Variants in EPHA3 observed in about 807,000 individuals in gnomAD.
EPHA3 encodes EPH receptor A3, also known as ephrin type-A receptor 3.
EPHA3 carries 42 observed loss-of-function variants against 107.1 expected under a neutral mutation model. That is an observed-to-expected ratio of 0.39 (90% CI 0.31 to 0.51). The LOEUF (loss-of-function observed/expected upper bound fraction) is 0.51. Ranked by LOEUF, EPHA3 falls within the 20% of genes least tolerant of loss-of-function variation. The pLI is 0.78. For synonymous variants in EPHA3, 461 were observed against 424.8 expected (o/e 1.09, Z -1.05); for missense variants, 1,183 against 1,211.2 (o/e 0.98, Z 0.35).
intron 5 of EPHA3, among the ~76,000 whole-genome samples, chr3:89,353,644 C>T (rs1366774584): frequency 6.6e-6 from 1 of 151,238 alleles, no homozygotes; most frequent in Non-Finnish European, 1.5e-5. Flanking sequence ...TGTGGCCAAG[C>T]CTTCCACATC....
intron 3 of EPHA3, among the ~76,000 whole-genome samples, chr3:89,333,762 C>T (rs1379873593): frequency 1.3e-5 from 2 of 151,956 alleles, no homozygotes; most frequent in Non-Finnish European, 2.9e-5. Flanking sequence ...GTCCCAGCTA[C>T]CTGGGAGGCT....
intron 5 of EPHA3, among the ~76,000 whole-genome samples, chr3:89,352,023 T>C (rs563139488): frequency 6.6e-6 from 1 of 151,140 alleles, no homozygotes; most frequent in South Asian, 2.1e-4. Flanking sequence ...GAGTTGCCAT[T>C]CCATTCAAAA....
intron 2 of EPHA3, among the ~76,000 whole-genome samples, chr3:89,177,869 A>G (rs1386174960): frequency 6.6e-6 from 1 of 151,974 alleles, no homozygotes; most frequent in African/African-American, 2.4e-5. Context: ...ATTCTCTCCT[A>G]TTTAAATACT....
chr3:89,390,600 CAAAAAA>C (rs34753229), intron 5 of EPHA3, among the ~76,000 whole-genome samples: 2,290 of 114,168 alleles, frequency 0.02, 70 homozygotes, highest in African/African-American at 0.074. Context: ...ACTCCGTTTC[CAAAAAA>C]AAAAAAAAAA....
chr3:89,189,460 G>C (rs954268088), intron 2 of EPHA3, among the ~76,000 whole-genome samples: 5 of 152,276 alleles, frequency 3.3e-5, no homozygotes, highest in African/African-American at 1.2e-4. Context: ...GGGCACGGTG[G>C]CGCGCACCTG....
At chr3:89,456,640 G>A (rs1710103005) in intron 15 of EPHA3, among the ~76,000 whole-genome samples, 1 of 152,098 alleles carries the variant, frequency 6.6e-6, no homozygotes, top group African/African-American at 2.4e-5. Context: ...CACTGGAAGT[G>A]GGGAAGGTGG....
intron 2 of EPHA3, among the ~76,000 whole-genome samples, chr3:89,205,068 C>T (rs1706067124): frequency 6.6e-6 from 1 of 152,094 alleles, no homozygotes; most frequent in East Asian, 1.9e-4. Context: ...TTCTTAGAAA[C>T]TGGTTTTAAG....
rs374673563 is a variant in EPHA3, at chr3:89,208,903, CAAG to C, written c.154-953_154-951del. On this transcript the variant is annotated intron_variant, in intron 2 of 16. Transcript: ENST00000336596. ...GCATGACAAAAGATGTAGTTTCCTGCAAGAAGTAAGCAAAATGGGGCATAAGAG... is the reference window on the plus strand; with the variant it reads ...GCATGACAAAAGATGTAGTTTCCTGCAAGTAAGCAAAATGGGGCATAAGAG... Among the ~76,000 whole-genome samples, 565 of 152,124 alleles carry C rather than the reference CAAG, an allele frequency of 3.7e-3. 3 individuals carry two copies. The highest frequency in any genetic ancestry group is 6.8e-3 in the Middle Eastern group (2 of 294).
chr3:89,460,350 C>A (rs1438016315), intron 15 of EPHA3, among the ~76,000 whole-genome samples: 1 of 130,850 alleles, frequency 7.6e-6, no homozygotes, highest in Non-Finnish European at 1.6e-5. Context: ...GAAGGCAACA[C>A]AATTCATGAC....
At chr3:89,288,986 C>T (rs758232747) in intron 3 of EPHA3, among the ~76,000 whole-genome samples, 5 of 152,098 alleles carry the variant, frequency 3.3e-5, no homozygotes, top group Non-Finnish European at 7.4e-5. Flanking sequence ...CAATTACCAT[C>T]GTAACAGCTT....
intron 3 of EPHA3, among the ~76,000 whole-genome samples, chr3:89,289,464 A>G (rs1207793357): frequency 6.6e-6 from 1 of 152,252 alleles, no homozygotes; most frequent in East Asian, 1.9e-4. Context: ...AAAGTAATTC[A>G]TCCTGTATAA....
At chr3:89,305,453 C>T (rs1350905547) in intron 3 of EPHA3, among the ~76,000 whole-genome samples, 3 of 151,990 alleles carry the variant, frequency 2.0e-5, no homozygotes, top group East Asian at 1.9e-4. Context: ...TTTGCATCCA[C>T]CTGTAAGGTA....
At chr3:89,403,986 A>G (rs1709009087) in intron 7 of EPHA3, among the ~76,000 whole-genome samples, 1 of 152,208 alleles carries the variant, frequency 6.6e-6, no homozygotes, top group Non-Finnish European at 1.5e-5. Flanking sequence ...AAGAATAACA[A>G]TCTGTGGAAT....
chr3:89,480,676 T>C lies in EPHA3; in HGVS notation c.*1174T>C, dbSNP rs1227635477. 1.3e-5 allele frequency: 3 copies of C among 232,518 alleles called. No individual in the cohort carries two copies. The East Asian group carries it at 1.8e-4, about 14-fold the overall frequency. The allele number at this position is 232,518 out of a possible 1,614,324, so 14.4% of individuals were successfully genotyped here. A position where few individuals can be genotyped will look rare whatever the true frequency, so the allele number is the denominator to read the frequency against. On this transcript the variant is annotated 3_prime_UTR_variant, in exon 17 of 17. Transcript: ENST00000336596. ...TTGAAAAGTCACTTACTATTGTTGC[T>C]GAAACTTGCTGAGCTGTTTATAGAG...
intron 5 of EPHA3, among the ~76,000 whole-genome samples, chr3:89,365,905 G>A (rs1223950938): frequency 6.6e-6 from 1 of 150,756 alleles, no homozygotes; most frequent in East Asian, 1.9e-4. Context: ...CGGTGCTTGT[G>A]TATGATATAG....
intron 1 of EPHA3, among the ~76,000 whole-genome samples, chr3:89,125,560 T>A (rs1224059461): frequency 6.6e-6 from 1 of 151,694 alleles, no homozygotes; most frequent in East Asian, 1.9e-4. Flanking sequence ...AATAATTCAA[T>A]TATGGAAATT....
chr3:89,120,127 T>C (rs888074595), intron 1 of EPHA3, among the ~76,000 whole-genome samples: 2 of 152,194 alleles, frequency 1.3e-5, no homozygotes, highest in Non-Finnish European at 2.9e-5. Context: ...AAACTGCTAT[T>C]TCCCTTAATG....
At chr3:89,426,504 C>A (rs1486792573) in intron 11 of EPHA3, among the ~76,000 whole-genome samples, 1 of 151,736 alleles carries the variant, frequency 6.6e-6, no homozygotes, top group East Asian at 1.9e-4. Context: ...TTTACAAATA[C>A]CTGAATTCTA....
intron 6 of EPHA3, among the ~76,000 whole-genome samples, chr3:89,398,613 T>C (rs991718161): frequency 9.4e-5 from 14 of 148,836 alleles, no homozygotes; most frequent in East Asian, 1.9e-4. Flanking sequence ...CCAGAATCAA[T>C]AGAGCATTCC....
Sources: gnomAD v4.1 joint callset for allele counts (sites outside exome capture counted in the v4.1 genomes callset) on GRCh38, gnomAD v4.1.1 for gene constraint, MANE v1.5 for transcripts, NCBI Gene and HGNC (gene_info 2026-07-23, HGNC 2026-07-21) for gene names.